SUPV3L1: variants seen among roughly 807,000 people sequenced by gnomAD.
SUPV3L1 encodes the protein Suv3 like RNA helicase, also known as ATP-dependent RNA helicase SUPV3L1, mitochondrial.
A neutral mutation model predicts 70.0 loss-of-function variants in SUPV3L1; 35 were observed. The ratio of observed to expected loss-of-function variants is 0.50; its 90% CI spans 0.38 to 0.66. SUPV3L1 has a LOEUF of 0.66. Among genes scored for constraint, SUPV3L1 ranks in the 30% least tolerant of loss-of-function variants. The pLI is 0.00. For missense variants in SUPV3L1, 777 were observed against 961.5 expected (o/e 0.81, Z 2.54); for synonymous variants, 364 against 341.9 (o/e 1.06, Z -0.71).
chr10:69,200,241 T>G (rs780896092), intron 10 of SUPV3L1, 39 bp from the exon 11 acceptor site: 5 of 1,567,890 alleles, frequency 3.2e-6, no homozygotes, highest in Non-Finnish European at 3.5e-6. Context: ...TGGAGGGTTT[T>G]TCATACAGTC....
intron 1 of SUPV3L1, among the ~76,000 whole-genome samples, chr10:69,181,355 G>A (rs938445633): frequency 9.2e-5 from 14 of 152,162 alleles, no homozygotes; most frequent in Non-Finnish European, 2.1e-4. Context: ...GGAATAGGAG[G>A]AGAAATGTCT....
chr10:69,203,137 A>G, intron 13 of SUPV3L1, 94 bp downstream of exon 13: 2 of 1,329,014 alleles, frequency 1.5e-6, no homozygotes, highest in Non-Finnish European at 2.0e-6. Flanking sequence ...TAATTACAAG[A>G]GTATTCAGTA....
intron 3 of SUPV3L1, 127 bp downstream of exon 3, chr10:69,186,677 A>T (rs1242465623): frequency 2.7e-6 from 2 of 732,600 alleles, no homozygotes; most frequent in Non-Finnish European, 4.5e-6. Context: ...TCTGTAAATA[A>T]TTCAGTGCTT....
At chr10:69,199,657 ACAGGCATGAGCCACTACACTCGGCC>A (rs1479422497) in intron 10 of SUPV3L1, among the ~76,000 whole-genome samples, 6 of 151,956 alleles carry the variant, frequency 3.9e-5, no homozygotes, top group Non-Finnish European at 4.4e-5. Context: ...TGCTAGGATT[ACAGGCATGAGCCACTACACTCGGCC>A]CACACTAGGA....
rs149476310 is a variant in SUPV3L1, at chr10:69,186,543, C to T, written c.450C>T (p.Phe150=). ...ACATTGTTTTGAATGATATTTGCTT[C>T]GGTGCAGGCAAGTGTTTAGAGACTT... ...DIHIVLNDIC[F]GAAHADDLFP... Residue 150 remains phenylalanine, a synonymous_variant, in exon 3 of 15, where the codon TTC becomes TTT. Coordinates refer to ENST00000359655, the MANE Select transcript of SUPV3L1 (RefSeq NM_003171.5). 3.1e-4 allele frequency: 496 copies of T among 1,612,378 alleles called. No individual in the cohort carries two copies. Among genetic ancestry groups the T allele is most frequent in the South Asian group, 1.7e-3 (158 of 91,006 alleles).
intron 6 of SUPV3L1, among the ~76,000 whole-genome samples, chr10:69,193,838 T>C (rs1265991390): frequency 6.6e-6 from 1 of 152,240 alleles, no homozygotes; most frequent in African/African-American, 2.4e-5. Context: ...AAGTAAAATA[T>C]AATATATGAA....
At chr10:69,186,344 A>AAAAT in intron 2 of SUPV3L1, 99 bp from the exon 3 acceptor site, 1 of 469,240 alleles carries the variant, frequency 2.1e-6, no homozygotes, top group Non-Finnish European at 3.6e-6. Context: ...AAAAAAAAAA[A>AAAAT]GAAAAAAAAA....
intron 1 of SUPV3L1, among the ~76,000 whole-genome samples, chr10:69,181,141 C>G (rs769144323): frequency 1.3e-5 from 2 of 152,124 alleles, no homozygotes; most frequent in Non-Finnish European, 2.9e-5. Context: ...TAGGGTGTCC[C>G]CGGCTCCAGA....
chr10:69,180,968 C>T (rs1474777899), intron 1 of SUPV3L1, among the ~76,000 whole-genome samples: 1 of 152,106 alleles, frequency 6.6e-6, no homozygotes, highest in Non-Finnish European at 1.5e-5. Context: ...ATTGAGGAGG[C>T]GCCGACTCAT....
chr10:69,184,777 T>C (rs1842170274), intron 1 of SUPV3L1, among the ~76,000 whole-genome samples: 2 of 152,172 alleles, frequency 1.3e-5, no homozygotes, highest in African/African-American at 4.8e-5. Flanking sequence ...CAATGAGTGT[T>C]GTGTGTGTTG....
At chr10:69,190,192 G>T (rs192685365) in intron 5 of SUPV3L1, among the ~76,000 whole-genome samples, 1 of 151,952 alleles carries the variant, frequency 6.6e-6, no homozygotes, top group African/African-American at 2.4e-5. Context: ...GTAGTCCTTT[G>T]CCCCATCAGA....
intron 2 of SUPV3L1, 91 bp from the exon 3 acceptor site, chr10:69,186,352 A>G (rs1842232765): frequency 1.0e-6 from 1 of 971,618 alleles, no homozygotes. Flanking sequence ...AAAGAAAAAA[A>G]AAGACTCTTT....
chr10:69,188,503 T>TTTGTTTG (rs1554859464), intron 4 of SUPV3L1, among the ~76,000 whole-genome samples: 2 of 150,994 alleles, frequency 1.3e-5, no homozygotes, highest in South Asian at 2.1e-4. Flanking sequence ...ACTTGATTTT[T>TTTGTTTG]TTTGTTTGTT....
At chr10:69,208,042 A>G (rs1465872410) in intron 14 of SUPV3L1, 101 bp downstream of exon 14, 1 of 1,406,034 alleles carries the variant, frequency 7.1e-7, no homozygotes, top group South Asian at 1.3e-5. Flanking sequence ...CATATTTGCA[A>G]GATGCTCTAT....
chr10:69,180,634 C>A, intron 1 of SUPV3L1, 72 bp downstream of exon 1: 1 of 1,567,152 alleles, frequency 6.4e-7, no homozygotes, highest in Non-Finnish European at 8.6e-7. Flanking sequence ...GAGGAAGCTA[C>A]ATCCCCTTCC....
chr10:69,194,202 G>C (rs1251482586), intron 6 of SUPV3L1, among the ~76,000 whole-genome samples: 1 of 152,160 alleles, frequency 6.6e-6, no homozygotes, highest in Non-Finnish European at 1.5e-5. Flanking sequence ...GTGTGGTAGA[G>C]TATGTAAGAG....
At chr10:69,187,831 A>G (rs1328501860) in intron 4 of SUPV3L1, 75 bp downstream of exon 4, 1 of 959,420 alleles carries the variant, frequency 1.0e-6, no homozygotes, top group Non-Finnish European at 1.5e-6. Flanking sequence ...ATTTTTTTTT[A>G]TTGTATTCTA....
At chr10:69,194,438 G>A (rs942860574) in intron 6 of SUPV3L1, among the ~76,000 whole-genome samples, 1 of 151,420 alleles carries the variant, frequency 6.6e-6, no homozygotes, top group Admixed American at 6.6e-5. Context: ...TGCAGGCTCC[G>A]CCTCCCGGGA....
intron 11 of SUPV3L1, 96 bp downstream of exon 11, chr10:69,200,595 A>T (rs2132298001): frequency 9.2e-7 from 1 of 1,088,774 alleles, no homozygotes; most frequent in Middle Eastern, 2.4e-4. Flanking sequence ...ACATTTCTGG[A>T]TACAGACATA....
Sources: gnomAD v4.1 joint callset for allele counts (sites outside exome capture counted in the v4.1 genomes callset) on GRCh38, gnomAD v4.1.1 for gene constraint, MANE v1.5 for transcripts, NCBI Gene and HGNC (gene_info 2026-07-23, HGNC 2026-07-21) for gene names.